The following WDR33 variants were observed in gnomAD, a reference collection of about 807,000 sequenced individuals.
WDR33 encodes the protein pre-mRNA 3' end processing protein WDR33.
A neutral mutation model predicts 164.9 loss-of-function variants in WDR33; 47 were observed. The observed-to-expected ratio is 0.29, with a 90% CI of 0.23 to 0.36. The LOEUF is 0.36. Ranked by LOEUF, WDR33 falls within the 10% of genes least tolerant of loss-of-function variation. The pLI is 1.00. For synonymous variants in WDR33, 505 were observed against 589.0 expected (o/e 0.86, Z 2.06); for missense variants, 1,137 against 1,754.1 (o/e 0.65, Z 6.28).
chr2:127,796,256 T>G (rs967877764), intron 1 of WDR33, among the ~76,000 whole-genome samples: 1 of 151,802 alleles, frequency 6.6e-6, no homozygotes, highest in African/African-American at 2.4e-5. Context: ...TATATTTTTT[T>G]AGAGACAGGG....
intron 21 of WDR33, among the ~76,000 whole-genome samples, chr2:127,707,496 G>A (rs1034582319): frequency 2.0e-5 from 3 of 152,224 alleles, no homozygotes; most frequent in Admixed American, 6.5e-5. Context: ...TGGGCAGAGT[G>A]TCAGCTACTA....
At chr2:127,790,781 C>T (rs535062115) in intron 1 of WDR33, among the ~76,000 whole-genome samples, 23 of 152,006 alleles carry the variant, frequency 1.5e-4, no homozygotes, top group African/African-American at 4.3e-4. Flanking sequence ...AGCTTGAATT[C>T]GATTTCTTTA....
At chr2:127,788,587 G>C (rs1688710541) in intron 1 of WDR33, among the ~76,000 whole-genome samples, 2 of 137,636 alleles carry the variant, frequency 1.5e-5, no homozygotes, top group Non-Finnish European at 3.2e-5. Flanking sequence ...TCACTTCCCA[G>C]TAGGGGCGGC....
intron 1 of WDR33, among the ~76,000 whole-genome samples, chr2:127,797,278 G>C (rs1689073263): frequency 6.6e-6 from 1 of 152,144 alleles, no homozygotes; most frequent in Non-Finnish European, 1.5e-5. Context: ...CAGATCATGA[G>C]GTCAGAAGTT....
At chr2:127,756,087 A>T (rs961211649) in intron 7 of WDR33, among the ~76,000 whole-genome samples, 1 of 152,258 alleles carries the variant, frequency 6.6e-6, no homozygotes, top group Admixed American at 6.5e-5. Context: ...TAATGACTAC[A>T]CTTTGGGAGG....
chr2:127,749,914 C>T (rs1011911516), intron 7 of WDR33, among the ~76,000 whole-genome samples: 2 of 151,246 alleles, frequency 1.3e-5, no homozygotes, highest in Non-Finnish European at 2.9e-5. Flanking sequence ...CAGCTCACTG[C>T]AAGCTCCACC....
chr2:127,742,871 A>AC lies in WDR33; in HGVS notation c.725-16095_725-16094insG, dbSNP rs528912437. Among the ~76,000 whole-genome samples the AC allele has an allele frequency of 4.0e-5, 6 of 151,164 alleles. No individual in the cohort carries two copies. The South Asian group carries it at 8.3e-4, about 21-fold the overall frequency. ...CCTATACTCACAGTTAAAAAAAAAA[A>AC]AACAAAAAAAAACACCCCTCAGAGA... On this transcript the variant is annotated intron_variant, in intron 7 of 21. Coordinates refer to ENST00000322313, the MANE Select transcript of WDR33 (RefSeq NM_018383.5).
rs763349717 is a variant in WDR33, at chr2:127,708,882, A to G, written c.3576T>C (p.His1192=). The change falls in exon 21 of 22, where the codon CAT becomes CAC. Residue 1192 remains histidine, a synonymous_variant. Coordinates refer to ENST00000322313, the MANE Select transcript of WDR33 (RefSeq NM_018383.5). The surrounding 1 kb of genome is among the most constrained non-coding windows in gnomAD (Gnocchi z 6.7). ...GGCGGGGAGTATCACGAAAATGTTCATGACCTGGCCCTGAAACAAGAAACA... is the reference window on the plus strand; with the variant it reads ...GGCGGGGAGTATCACGAAAATGTTCGTGACCTGGCCCTGAAACAAGAAACA... ...WDGNREPGPG[H]EHFRDTPRPD... 6.4e-7 allele frequency: 1 copy of G among 1,566,334 alleles called. No individual in the cohort carries two copies.
Position 127,712,759 on chromosome 2 carries a change from T to G in WDR33, c.3308+824A>C, listed in dbSNP as rs1028249474. ...TACTATTTCCTGGTGTTTTTTTGTT[T>G]TGTTTTGTTTTTCTTTTAAGAGACA... is the stretch of plus-strand genomic sequence containing the variant. On this transcript the variant is annotated intron_variant, in intron 18 of 21. Coordinates refer to ENST00000322313, the MANE Select transcript of WDR33 (RefSeq NM_018383.5). This position sits in a 1 kb window ranked among gnomAD's most constrained non-coding sequence, Gnocchi z 4.0. 6.6e-6 allele frequency among the ~76,000 whole-genome samples: 1 copy of G among 152,190 alleles called. No homozygotes were observed. Among genetic ancestry groups the G allele is most frequent in the Non-Finnish European group, 1.5e-5 (1 of 68,030 alleles).
At position 127,770,309 on chromosome 2, in the gene WDR33, A is replaced by G. The variant is rs1410870743; in HGVS notation, c.204+469T>C. ...AGTGGTTTGAGGTTCTTCCTAAATT[A>G]GCCAATTTGAAATTCCACCGTGTCC... is the stretch of plus-strand genomic sequence containing the variant. On this transcript the variant is annotated intron_variant, in intron 2 of 21. Transcript: ENST00000322313. This position sits in a 1 kb window ranked among gnomAD's most constrained non-coding sequence, Gnocchi z 4.9. Among the ~76,000 whole-genome samples the G allele has an allele frequency of 1.3e-5, 2 of 152,234 alleles. No homozygotes were observed. The highest frequency in any genetic ancestry group is 4.8e-5 in the African/African-American group (2 of 41,468).
Position 127,722,853 on chromosome 2 carries a change from T to C in WDR33, c.1378+105A>G, listed in dbSNP as rs934103736. 3.8e-5 allele frequency: 54 copies of C among 1,403,142 alleles called. No individual in the cohort carries two copies. The highest frequency in any genetic ancestry group is 4.9e-5 in the Non-Finnish European group (51 of 1,038,816). 86.9% of individuals were successfully genotyped at this position (1,403,142 alleles called of 1,614,324 possible). A position where few individuals can be genotyped will look rare whatever the true frequency, so the allele number is the denominator to read the frequency against. On this transcript the variant is annotated intron_variant, in intron 13 of 21. Coordinates refer to ENST00000322313, the MANE Select transcript of WDR33 (RefSeq NM_018383.5). The surrounding 1 kb of genome is among the most constrained non-coding windows in gnomAD (Gnocchi z 5.1). The stretch of plus-strand genomic sequence containing the variant: ...GTCATTTATATAATTTTTATCAACA[T>C]TTCTCAACATAAATCATTTTGGTAT...
Position 127,704,625 on chromosome 2 carries a change from A to AAAT in WDR33, c.*1695_*1697dup, listed in dbSNP as rs1207116111. On this transcript the variant is annotated 3_prime_UTR_variant, in exon 22 of 22. Transcript: ENST00000322313. ...AGCTGTAATTTCAAAGTTAAAAAAAAAATAGTCTCTAGATTCTAACACTGA... is the reference window on the plus strand; with the variant it reads ...AGCTGTAATTTCAAAGTTAAAAAAAAAATAATAGTCTCTAGATTCTAACACTGA... The AAAT allele has an allele frequency of 6.0e-6, 1 of 167,080 alleles. No homozygotes were observed. The highest frequency in any genetic ancestry group is 2.1e-4 in the South Asian group (1 of 4,834). 10.3% of individuals were successfully genotyped at this position (167,080 alleles called of 1,614,324 possible). A position where few individuals can be genotyped will look rare whatever the true frequency, so the allele number is the denominator to read the frequency against.
At chr2:127,737,899 C>T in intron 7 of WDR33, 1 of 1,517,540 alleles carries the variant, frequency 6.6e-7, no homozygotes, top group Non-Finnish European at 8.8e-7. Flanking sequence ...CATAGCCATC[C>T]ACAGCATCAA....
chr2:127,775,352 C>T (rs1034931115), intron 1 of WDR33, among the ~76,000 whole-genome samples: 1 of 152,326 alleles, frequency 6.6e-6, no homozygotes, highest in East Asian at 1.9e-4. Context: ...CCACTTCCAG[C>T]TAATTTTTGT....
chr2:127,773,643 G>A (rs568166548), intron 1 of WDR33, among the ~76,000 whole-genome samples: 1 of 152,124 alleles, frequency 6.6e-6, no homozygotes, highest in African/African-American at 2.4e-5. Context: ...ATTCAATAAG[G>A]CTGGTGGAAG....
intron 1 of WDR33, among the ~76,000 whole-genome samples, chr2:127,810,567 G>A (rs960517786): frequency 6.6e-6 from 1 of 152,158 alleles, no homozygotes; most frequent in African/African-American, 2.4e-5. Context: ...AATAAGCACC[G>A]ATTTCAAGCC....
At chr2:127,781,915 CT>C (rs906741707) in intron 1 of WDR33, among the ~76,000 whole-genome samples, 20 of 149,374 alleles carry the variant, frequency 1.3e-4, no homozygotes, top group African/African-American at 4.7e-4. Flanking sequence ...GGAGAATTGC[CT>C]GAACCCGGGA....
chr2:127,774,145 G>A (rs74723165), intron 1 of WDR33, among the ~76,000 whole-genome samples: 4,200 of 149,852 alleles, frequency 0.028, 72 homozygotes, highest in Non-Finnish European at 0.04. Flanking sequence ...TCTGCCTCCC[G>A]GGTTCAAGCA....
rs1168270235 is a variant in WDR33, at chr2:127,712,805, G to C, written c.3308+778C>G. Among the ~76,000 whole-genome samples the C allele has an allele frequency of 6.6e-6, 1 of 152,126 alleles. No homozygotes were observed. Among genetic ancestry groups the C allele is most frequent in the Non-Finnish European group, 1.5e-5 (1 of 68,014 alleles). On this transcript the variant is annotated intron_variant, in intron 18 of 21. Transcript: ENST00000322313. This position sits in a 1 kb window ranked among gnomAD's most constrained non-coding sequence, Gnocchi z 4.0. ...AGACAGGGTCTTGCTCTGTAGCCCA[G>C]GCTGAAGTGCAATGGCATAATCATA...
Sources: allele counts gnomAD v4.1 joint callset (sites outside exome capture counted in the v4.1 genomes callset), GRCh38; gene constraint gnomAD v4.1.1; non-coding constraint Gnocchi (gnomAD v3.1); transcripts MANE v1.5; gene names NCBI Gene and HGNC (gene_info 2026-07-23, HGNC 2026-07-21).